The following FAM184A variants were observed in gnomAD, a reference collection of about 807,000 sequenced individuals.
The protein encoded by FAM184A is family with sequence similarity 184 member A.
In FAM184A, 99 loss-of-function variants were observed where a neutral mutation model predicts 143.8. The ratio of observed to expected loss-of-function variants is 0.69; its 90% confidence interval spans 0.58 to 0.81. The LOEUF (loss-of-function observed/expected upper bound fraction) is 0.81. Among genes scored for constraint, FAM184A ranks in the 40% least tolerant of loss-of-function variants. The pLI is 0.00. For synonymous variants in FAM184A, 427 were observed against 446.4 expected (o/e 0.96, Z 0.55); for missense variants, 1,217 against 1,310.5 (o/e 0.93, Z 1.10).
chr6:119,136,658 T>C (rs1013952179), intron 1 of FAM184A, among the ~76,000 whole-genome samples: 1 of 152,228 alleles, frequency 6.6e-6, no homozygotes, highest in African/African-American at 2.4e-5. Flanking sequence ...GGAATCTAGA[T>C]AATGGGACTT....
At chr6:119,037,432 C>G (rs1355418035) in intron 1 of FAM184A, among the ~76,000 whole-genome samples, 1 of 152,082 alleles carries the variant, frequency 6.6e-6, no homozygotes, top group East Asian at 1.9e-4. Flanking sequence ...TCCTGAGTAG[C>G]TGGGACTACA....
chr6:118,961,873 G>A lies in FAM184A; in HGVS notation c.3229C>T (p.His1077Tyr), dbSNP rs1001766863. ...GGAATGGGATCCAGGCGGTTAGGATGTCCATTGCCCACTCCACCAGATTCC... is the reference window on the plus strand; with the variant it reads ...GGAATGGGATCCAGGCGGTTAGGATATCCATTGCCCACTCCACCAGATTCC... The part of the protein sequence containing the change: ...ALESGGVGNG[H>Y]PNRLDPIPNS... Residue 1077 changes from histidine (H) to tyrosine (Y), a missense_variant, in exon 17 of 18, where the codon CAT becomes TAT. Coordinates refer to ENST00000338891, the MANE Select transcript of FAM184A (RefSeq NM_024581.6). The A allele has an allele frequency of 2.3e-5, 37 of 1,613,798 alleles. No homozygotes were observed. The highest frequency in any genetic ancestry group is 2.6e-5 in the Non-Finnish European group (31 of 1,179,854).
At chr6:118,999,812 G>T (rs974371790) in intron 9 of FAM184A, among the ~76,000 whole-genome samples, 17 of 152,158 alleles carry the variant, frequency 1.1e-4, no homozygotes, top group Admixed American at 6.5e-5. Flanking sequence ...CCCCAATGTG[G>T]TGCTGGTAAG....
intron 1 of FAM184A, among the ~76,000 whole-genome samples, chr6:119,100,207 A>T (rs927254838): frequency 4.6e-5 from 7 of 152,170 alleles, no homozygotes; most frequent in African/African-American, 1.7e-4. Context: ...GATCCCAGGA[A>T]CTATGGTGAG....
intron 17 of FAM184A, 145 bp downstream of exon 17, chr6:118,961,616 G>C (rs1783327624): frequency 1.4e-6 from 1 of 730,256 alleles, no homozygotes; most frequent in South Asian, 1.8e-5. Context: ...AAGTTCTCTA[G>C]AGAGGGGATA....
intron 1 of FAM184A, among the ~76,000 whole-genome samples, chr6:119,141,662 A>C (rs2114891575): frequency 6.6e-6 from 1 of 152,082 alleles, no homozygotes; most frequent in Admixed American, 6.5e-5. Context: ...TTTTTAGTAG[A>C]GATGAGGTGT....
intron 1 of FAM184A, among the ~76,000 whole-genome samples, chr6:119,111,903 T>C (rs1233196913): frequency 6.6e-6 from 1 of 152,184 alleles, no homozygotes; most frequent in Admixed American, 6.5e-5. Flanking sequence ...GAAAAGAGAC[T>C]GTTTAGTGGC....
chr6:119,103,316 C>T (rs190963922), intron 1 of FAM184A, among the ~76,000 whole-genome samples: 13 of 152,158 alleles, frequency 8.5e-5, no homozygotes, highest in African/African-American at 3.1e-4. Context: ...ATCAACCCCC[C>T]CAAATCTATT....
intron 6 of FAM184A, among the ~76,000 whole-genome samples, chr6:119,010,841 C>T (rs1785065497): frequency 6.6e-6 from 1 of 152,062 alleles, no homozygotes; most frequent in African/African-American, 2.4e-5. Context: ...TGGAACTTTG[C>T]CGATATGAGA....
Position 118,975,028 on chromosome 6 carries a change from T to A in FAM184A, c.2764A>T (p.Ile922Leu). 1 of 1,611,052 alleles carries A rather than the reference T, an allele frequency of 6.2e-7. No individual in the cohort carries two copies. Among genetic ancestry groups the A allele is most frequent in the Non-Finnish European group, 8.5e-7 (1 of 1,177,984 alleles). The change falls in exon 13 of 18, where the codon ATA (isoleucine) becomes TTA (leucine). Residue 922 changes from isoleucine (I) to leucine (L), a missense_variant. By Grantham distance (5) the Ile-to-Leu change is conservative (BLOSUM62 2). Coordinates refer to ENST00000338891, the MANE Select transcript of FAM184A (RefSeq NM_024581.6). ...CTGTTGTACTTAATGGCATACCTTA[T>A]CTGTTGGTTAGATTCACTTCGTATT... ...LRIRSESNQQ[I>L]RLHEQDLNKR...
chr6:119,137,591 T>A (rs1450064153), intron 1 of FAM184A, among the ~76,000 whole-genome samples: 1 of 152,214 alleles, frequency 6.6e-6, no homozygotes, highest in African/African-American at 2.4e-5. Flanking sequence ...AGGCACCTAC[T>A]ATGGGACTCA....
chr6:119,147,641 T>C (rs912432941), intron 1 of FAM184A, among the ~76,000 whole-genome samples: 1 of 152,194 alleles, frequency 6.6e-6, no homozygotes, highest in Non-Finnish European at 1.5e-5. Context: ...CTCAGACTTG[T>C]AGGAAGCCAG....
chr6:119,028,939 T>A (rs1785767266), intron 1 of FAM184A, among the ~76,000 whole-genome samples: 1 of 152,204 alleles, frequency 6.6e-6, no homozygotes, highest in South Asian at 2.1e-4. Context: ...AACTGGTTGT[T>A]GGGAGAGAAA....
At chr6:118,995,337 T>C (rs1230625527) in intron 9 of FAM184A, among the ~76,000 whole-genome samples, 1 of 152,132 alleles carries the variant, frequency 6.6e-6, no homozygotes. Context: ...GAGGATCACT[T>C]GAGCCTGAAA....
chr6:119,135,350 A>T (rs76744516), intron 1 of FAM184A, among the ~76,000 whole-genome samples: 2,459 of 152,304 alleles, frequency 0.016, 64 homozygotes, highest in African/African-American at 0.053. Flanking sequence ...CAGGAAGTAA[A>T]TGGAGAGGAA....
At chr6:119,022,053 C>CTTTTTTTTTTTTT (rs34128659) in intron 3 of FAM184A, among the ~76,000 whole-genome samples, 7 of 84,392 alleles carry the variant, frequency 8.3e-5, no homozygotes, top group Admixed American at 1.7e-4. Flanking sequence ...TTCGTTCTTT[C>CTTTTTTTTTTTTT]TTTTTTTTTT....
At chr6:119,090,732 C>T (rs753828826) in intron 1 of FAM184A, among the ~76,000 whole-genome samples, 32 of 152,188 alleles carry the variant, frequency 2.1e-4, no homozygotes, top group Non-Finnish European at 4.0e-4. Context: ...ACTCAGATTT[C>T]CACCCATTCC....
At chr6:119,047,418 A>G (rs1252174175) in intron 1 of FAM184A, among the ~76,000 whole-genome samples, 1 of 152,210 alleles carries the variant, frequency 6.6e-6, no homozygotes, top group Non-Finnish European at 1.5e-5. Flanking sequence ...TATCAAAGAG[A>G]TATCTATACC....
Position 118,966,899 on chromosome 6 carries a change from A to C in FAM184A, c.2969T>G (p.Ile990Arg), listed in dbSNP as rs527852001. The C allele has an allele frequency of 1.3e-6, 2 of 1,589,940 alleles. No homozygotes were observed. Among genetic ancestry groups the C allele is most frequent in the African/African-American group, 1.3e-5 (1 of 74,508 alleles). ...GGCTTTTAATTCTGTAATCATCTGT[A>C]TATCTTCTGGTTTTGATTCTCTCAT... ...YLMRESKPEDIQMITELKAML... is the reference protein window; with the variant it reads ...YLMRESKPEDRQMITELKAML... The change falls in exon 15 of 18, where the codon ATA becomes AGA. Residue 990 changes from isoleucine (I) to arginine (R), a missense_variant. Ile to Arg is a moderately conservative substitution (Grantham distance 97, BLOSUM62 -3). Coordinates refer to ENST00000338891, the MANE Select transcript of FAM184A (RefSeq NM_024581.6).
Sources: gnomAD v4.1 joint callset for allele counts (sites outside exome capture counted in the v4.1 genomes callset) on GRCh38, gnomAD v4.1.1 for gene constraint, MANE v1.5 for transcripts, NCBI Gene and HGNC (gene_info 2026-07-23, HGNC 2026-07-21) for gene names.